Variants in SHCBP1 observed in about 807,000 individuals in gnomAD.
The protein encoded by SHCBP1 is SHC binding and spindle associated 1.
In SHCBP1, 60 loss-of-function variants were observed where a neutral mutation model predicts 75.1. The observed-to-expected ratio is 0.80, with a 90% CI of 0.65 to 0.99. SHCBP1 has a LOEUF of 0.99. Ranked by LOEUF, SHCBP1 falls within the 50% of genes least tolerant of loss-of-function variation. SHCBP1 has a pLI of 0.00. For missense variants in SHCBP1, 709 were observed against 809.4 expected (o/e 0.88, Z 1.50); for synonymous variants, 290 against 293.2 (o/e 0.99, Z 0.11).
At chr16:46,585,437 T>C (rs1964941469) in intron 10 of SHCBP1, among the ~76,000 whole-genome samples, 1 of 151,990 alleles carries the variant, frequency 6.6e-6, no homozygotes, top group South Asian at 2.1e-4. Flanking sequence ...ACCAACACAG[T>C]GGTAAGTTCC....
Position 46,615,954 on chromosome 16 carries a change from C to T in SHCBP1, c.588G>A (p.Glu196=), listed in dbSNP as rs1965490487. ...GVFDQTALAI[E]HVRFFYQNIW... is the part of the protein sequence containing the mutation. ...TCAACTTCTTTTCCTACCTGACATG[C>T]TCAATTGCAAGGGCTGTCTGGTCAA... The change falls in exon 4 of 13, where the codon GAG becomes GAA. Residue 196 remains glutamate, a synonymous_variant. Transcript: ENST00000303383. 1 of 1,614,144 alleles carries T rather than the reference C, an allele frequency of 6.2e-7. No individual in the cohort carries two copies. Among genetic ancestry groups the T allele is most frequent in the Middle Eastern group, 1.6e-4 (1 of 6,062 alleles).
At position 46,616,512 on chromosome 16, in the gene SHCBP1, G is replaced by A. The variant is rs896072966; in HGVS notation, c.388-358C>T. On this transcript the variant is annotated intron_variant, in intron 3 of 12. Coordinates refer to ENST00000303383, the MANE Select transcript of SHCBP1 (RefSeq NM_024745.5). The surrounding 1 kb of genome is among the most constrained non-coding windows in gnomAD (Gnocchi z 4.4). ...CACAGAAGGCCTGTGGCAGAGACAGGCTTGGCAGCTGGAGGAGCGGAAAGG... is the reference window on the plus strand; with the variant it reads ...CACAGAAGGCCTGTGGCAGAGACAGACTTGGCAGCTGGAGGAGCGGAAAGG... Among the ~76,000 whole-genome samples the A allele has an allele frequency of 3.3e-5, 5 of 152,194 alleles. No homozygotes were observed. Among genetic ancestry groups the A allele is most frequent in the Admixed American group, 2.0e-4 (3 of 15,272 alleles).
intron 9 of SHCBP1, among the ~76,000 whole-genome samples, chr16:46,597,317 A>G (rs1405169980): frequency 6.6e-6 from 1 of 152,100 alleles, no homozygotes; most frequent in Non-Finnish European, 1.5e-5. Flanking sequence ...GCAAAGGCAG[A>G]ATTGCTTGAG....
At chr16:46,591,942 A>G (rs1965053644) in intron 10 of SHCBP1, among the ~76,000 whole-genome samples, 1 of 152,100 alleles carries the variant, frequency 6.6e-6, no homozygotes, top group Admixed American at 6.6e-5. Flanking sequence ...AAATTTACAA[A>G]ACAGCTAGAG....
rs747865264 is a variant in SHCBP1, at chr16:46,608,309, G to C, written c.677C>G (p.Pro226Arg). ...EYDYFVRCVEPRLRLHYDILE... is the reference protein window; with the variant it reads ...EYDYFVRCVERRLRLHYDILE... ...AATAAATACTTACAATCTTAATCGA[G>C]GTTCAACACATCTGACAAAATAATC... is the stretch of plus-strand genomic sequence containing the variant. The change falls in exon 5 of 13, where the codon CCT becomes CGT. Residue 226 changes from proline to arginine, a missense_variant. By Grantham distance (103) the Pro-to-Arg change is moderately radical. Transcript: ENST00000303383. 1.2e-5 allele frequency: 19 copies of C among 1,610,984 alleles called. No individual in the cohort carries two copies. Among genetic ancestry groups the C allele is most frequent in the Middle Eastern group, 1.6e-4 (1 of 6,076 alleles).
chr16:46,600,617 G>T (rs1027365680), intron 8 of SHCBP1, among the ~76,000 whole-genome samples: 1 of 152,162 alleles, frequency 6.6e-6, no homozygotes, highest in African/African-American at 2.4e-5. Context: ...TTCTCAAGAT[G>T]ATCTAATTTT....
intron 10 of SHCBP1, among the ~76,000 whole-genome samples, chr16:46,591,160 C>T (rs528693828): frequency 6.6e-6 from 1 of 151,958 alleles, no homozygotes; most frequent in Non-Finnish European, 1.5e-5. Context: ...CACACTGGGG[C>T]CTGTTGTGGG....
chr16:46,589,043 T>G (rs1171242884), intron 10 of SHCBP1, among the ~76,000 whole-genome samples: 3 of 152,030 alleles, frequency 2.0e-5, no homozygotes, highest in South Asian at 2.1e-4. Context: ...ACGTAATCCA[T>G]CATATAAACA....
intron 10 of SHCBP1, among the ~76,000 whole-genome samples, chr16:46,585,163 A>C (rs965656409): frequency 6.6e-6 from 1 of 152,186 alleles, no homozygotes; most frequent in East Asian, 1.9e-4. Context: ...ATCACATAAA[A>C]TTTGTAAAGG....
chr16:46,579,220 C>G lies in SHCBP1; in HGVS notation c.*2509G>C, dbSNP rs929437620. Among the ~76,000 whole-genome samples, 1 of 152,180 alleles carries G rather than the reference C, an allele frequency of 6.6e-6. No homozygotes were observed. The highest frequency in any genetic ancestry group is 2.4e-5 in the African/African-American group (1 of 41,442). ...CAATTAGTCAACACAGAAGGCTATC[C>G]TTTCTCCACATCAGTGTTTTCATCT... On this transcript the variant is annotated 3_prime_UTR_variant, in exon 13 of 13. Transcript: ENST00000303383.
intron 10 of SHCBP1, among the ~76,000 whole-genome samples, chr16:46,588,852 T>G (rs1026634525): frequency 3.3e-5 from 5 of 152,158 alleles, no homozygotes; most frequent in African/African-American, 7.2e-5. Flanking sequence ...TACCAAAGCC[T>G]GGCAGAGACA....
In SHCBP1 at chr16:46,580,730, C is replaced by T. The variant is rs747859808; in HGVS notation, c.*999G>A. On this transcript the variant is annotated 3_prime_UTR_variant, in exon 13 of 13. Transcript: ENST00000303383. The stretch of plus-strand genomic sequence containing the variant: ...CAGTAATATAATCAGAATACTGTAA[C>T]GGTAAGAGAAAAATACTTTTTTTTT... The T allele has an allele frequency of 4.0e-5, 6 of 151,460 alleles. No individual in the cohort carries two copies. Among genetic ancestry groups the T allele is most frequent in the African/African-American group, 1.2e-4 (5 of 41,242 alleles). The allele number at this position is 151,460 out of a possible 1,614,324, so 9.4% of individuals were successfully genotyped here.
chr16:46,615,822 T>A, intron 4 of SHCBP1, 124 bp downstream of exon 4: 2 of 742,792 alleles, frequency 2.7e-6, no homozygotes, highest in Non-Finnish European at 4.6e-6. Context: ...TTGGATATTT[T>A]TAAATATTGC....
chr16:46,602,795 T>C (rs1965261778), intron 8 of SHCBP1, among the ~76,000 whole-genome samples: 1 of 152,032 alleles, frequency 6.6e-6, no homozygotes, highest in Non-Finnish European at 1.5e-5. Context: ...CATGCCCGGC[T>C]AATTTTTGTA....
At chr16:46,596,938 G>A (rs540493651) in intron 9 of SHCBP1, among the ~76,000 whole-genome samples, 2 of 151,880 alleles carry the variant, frequency 1.3e-5, no homozygotes, top group East Asian at 3.9e-4. Flanking sequence ...ATGTTCGCCA[G>A]GCTGGTCTCA....
intron 4 of SHCBP1, among the ~76,000 whole-genome samples, chr16:46,611,262 A>T (rs143515599): frequency 6.6e-6 from 1 of 152,356 alleles, no homozygotes; most frequent in Non-Finnish European, 1.5e-5. Context: ...AACTGGAATA[A>T]GCAGGTTGGA....
At chr16:46,589,087 T>C (rs1215727987) in intron 10 of SHCBP1, among the ~76,000 whole-genome samples, 1 of 152,154 alleles carries the variant, frequency 6.6e-6, no homozygotes, top group Admixed American at 6.5e-5. Flanking sequence ...ATTATCTCAA[T>C]AGATGCAGAA....
intron 9 of SHCBP1, among the ~76,000 whole-genome samples, chr16:46,598,858 T>G (rs1055950479): frequency 1.3e-5 from 2 of 152,250 alleles, no homozygotes; most frequent in African/African-American, 4.8e-5. Context: ...TAACTTTCTG[T>G]AGCTTGCATC....
chr16:46,584,013 A>G lies in SHCBP1; in HGVS notation c.1541T>C (p.Ile514Thr), dbSNP rs566050581. 1.2e-6 allele frequency: 2 copies of G among 1,606,456 alleles called. No homozygotes were observed. Among genetic ancestry groups the G allele is most frequent in the Admixed American group, 1.7e-5 (1 of 59,220 alleles). The stretch of plus-strand genomic sequence containing the variant: ...TTGGCTGATGCTCACCTTAATGAGG[A>G]TCCCTTCCTTGCAGTGATGGATCCC... ...DNGIHHCKEG[I>T]LIKDFLDEHY... Residue 514 changes from isoleucine (I) to threonine (T), a missense_variant, in exon 11 of 13, where the codon ATC (isoleucine) becomes ACC (threonine). Physicochemically the swap from Ile to Thr is moderately conservative, Grantham distance 89. Coordinates refer to ENST00000303383, the MANE Select transcript of SHCBP1 (RefSeq NM_024745.5).
Sources: gnomAD v4.1 joint callset for allele counts (sites outside exome capture counted in the v4.1 genomes callset) on GRCh38, gnomAD v4.1.1 for gene constraint, Gnocchi (gnomAD v3.1) non-coding constraint, MANE v1.5 for transcripts, NCBI Gene and HGNC (gene_info 2026-07-23, HGNC 2026-07-21) for gene names.